Variants in NALF1 observed in about 807,000 individuals in gnomAD.
The protein encoded by NALF1 is family with sequence similarity 155 member A.
A neutral mutation model predicts 48.4 loss-of-function variants in NALF1; 3 were observed. That is an observed-to-expected ratio of 0.06 (90% CI 0.03 to 0.16). NALF1 has a LOEUF of 0.16. Ranked by LOEUF, NALF1 falls within the 10% of genes least tolerant of loss-of-function variation. The pLI is 1.00. For synonymous variants in NALF1, 262 were observed against 245.7 expected (o/e 1.07, Z -0.62); for missense variants, 526 against 571.5 (o/e 0.92, Z 0.81).
At chr13:107,443,175 T>A (rs960249832) in intron 1 of NALF1, among the ~76,000 whole-genome samples, 1 of 126,296 alleles carries the variant, frequency 7.9e-6, no homozygotes, top group Admixed American at 7.7e-5. Flanking sequence ...TAACAATCTA[T>A]CTATCTATCT....
rs1177004298 is a variant in NALF1 at position 107,170,789 on chromosome 13, G to A, written c.1088-3C>T. ...GGTTAGAAAGGTTTCATAAAGCCCT[G>A]TAGGAAGAAGGAAGTAGAGTGTCAG... On this transcript the variant is annotated splice_polypyrimidine_tract_variant and splice_region_variant and intron_variant, in intron 2 of 2. Transcript: ENST00000375915. 1.2e-6 allele frequency: 2 copies of A among 1,613,368 alleles called. No homozygotes were observed. Among genetic ancestry groups the A allele is most frequent in the Non-Finnish European group, 1.7e-6 (2 of 1,179,394 alleles).
At chr13:107,785,548 G>C (rs1878046025) in intron 1 of NALF1, among the ~76,000 whole-genome samples, 1 of 152,142 alleles carries the variant, frequency 6.6e-6, no homozygotes, top group African/African-American at 2.4e-5. Context: ...GACTTGCGGG[G>C]AAGGGTGAGA....
chr13:107,723,322 C>T (rs1876044199), intron 1 of NALF1, among the ~76,000 whole-genome samples: 1 of 152,184 alleles, frequency 6.6e-6, no homozygotes, highest in South Asian at 2.1e-4. Context: ...ACCTGGCTTG[C>T]ATTATACACT....
chr13:107,359,696 C>T (rs7332835), intron 1 of NALF1, among the ~76,000 whole-genome samples: 10,647 of 149,818 alleles, frequency 0.071, 940 homozygotes, highest in African/African-American at 0.21. Flanking sequence ...AATGTTGCTG[C>T]CTCTAGGGGG....
chr13:107,539,790 C>T (rs1876947793), intron 1 of NALF1, among the ~76,000 whole-genome samples: 1 of 152,018 alleles, frequency 6.6e-6, no homozygotes, highest in African/African-American at 2.4e-5. Context: ...GTGGTTATGA[C>T]TTTGTGTCTA....
intron 1 of NALF1, among the ~76,000 whole-genome samples, chr13:107,431,070 G>A (rs546226040): frequency 1.7e-4 from 26 of 151,752 alleles, no homozygotes; most frequent in East Asian, 3.9e-4. Context: ...GCATTTTTTC[G>A]TGTGTTTTTT....
intron 1 of NALF1, among the ~76,000 whole-genome samples, chr13:107,586,758 T>C (rs1301474467): frequency 6.6e-6 from 1 of 151,300 alleles, no homozygotes; most frequent in Non-Finnish European, 1.5e-5. Context: ...TTTTGTATCC[T>C]ACTATTCTCA....
intron 1 of NALF1, among the ~76,000 whole-genome samples, chr13:107,743,719 A>C (rs1876703247): frequency 6.6e-6 from 1 of 152,204 alleles, no homozygotes; most frequent in African/African-American, 2.4e-5. Flanking sequence ...TTGTATACAG[A>C]ACACAGTGAG....
At chr13:107,314,674 TG>T (rs1446512872) in intron 1 of NALF1, among the ~76,000 whole-genome samples, 2 of 152,158 alleles carry the variant, frequency 1.3e-5, no homozygotes, top group African/African-American at 4.8e-5. Flanking sequence ...GTAGACACTT[TG>T]TTGGCCACTG....
intron 2 of NALF1, among the ~76,000 whole-genome samples, chr13:107,209,806 G>A (rs1346917649): frequency 1.3e-5 from 2 of 152,060 alleles, no homozygotes; most frequent in African/African-American, 4.8e-5. Flanking sequence ...ACGCCTTATA[G>A]CATTATTGTT....
intron 1 of NALF1, among the ~76,000 whole-genome samples, chr13:107,633,504 T>G (rs1052587997): frequency 2.0e-5 from 3 of 151,948 alleles, no homozygotes; most frequent in Non-Finnish European, 4.4e-5. Flanking sequence ...GCTAAAATAT[T>G]AGCCTATCAC....
chr13:107,373,512 C>T (rs1338974279), intron 1 of NALF1, among the ~76,000 whole-genome samples: 1 of 152,130 alleles, frequency 6.6e-6, no homozygotes, highest in East Asian at 1.9e-4. Flanking sequence ...TGCTCTGTCC[C>T]TCCTACAGCA....
rs140025548 is a variant in NALF1, at chr13:107,528,914, A to G, written c.916-318159T>C. Among the ~76,000 whole-genome samples the G allele has an allele frequency of 3.3e-5, 5 of 152,292 alleles. No homozygotes were observed. The East Asian group carries it at 9.7e-4, about 29-fold the overall frequency. ...ACAATGAAATCTTTTAATAAACAGA[A>G]AAGGACACAATTCTTTCTATCATGA... On this transcript the variant is annotated intron_variant, in intron 1 of 2. Transcript: ENST00000375915.
intron 1 of NALF1, among the ~76,000 whole-genome samples, chr13:107,683,339 TA>T (rs1228636115): frequency 2.6e-5 from 4 of 152,178 alleles, no homozygotes; most frequent in African/African-American, 9.7e-5. Flanking sequence ...CTACCACCTT[TA>T]AAAAAATATC....
intron 1 of NALF1, among the ~76,000 whole-genome samples, chr13:107,636,194 A>C (rs1055854444): frequency 3.9e-5 from 6 of 152,126 alleles, no homozygotes; most frequent in African/African-American, 1.2e-4. Flanking sequence ...CACAGCGAAG[A>C]AGCAGAAGCT....
At chr13:107,222,741 A>G (rs188513039) in intron 1 of NALF1, among the ~76,000 whole-genome samples, 1 of 152,328 alleles carries the variant, frequency 6.6e-6, no homozygotes, top group African/African-American at 2.4e-5. Context: ...CAAGACCCGA[A>G]TATTAACATA....
At chr13:107,285,495 C>A (rs1881475392) in intron 1 of NALF1, among the ~76,000 whole-genome samples, 1 of 152,194 alleles carries the variant, frequency 6.6e-6, no homozygotes. Context: ...TCATGTTGCA[C>A]TTCCAACAAA....
chr13:107,608,389 G>T (rs1879130157), intron 1 of NALF1, among the ~76,000 whole-genome samples: 1 of 152,326 alleles, frequency 6.6e-6, no homozygotes, highest in South Asian at 2.1e-4. Context: ...CCTATTGCAA[G>T]TTGGAGGAGA....
intron 1 of NALF1, among the ~76,000 whole-genome samples, chr13:107,380,236 T>C (rs548228356): frequency 6.6e-6 from 1 of 152,354 alleles, no homozygotes; most frequent in Non-Finnish European, 1.5e-5. Flanking sequence ...GTATTTCTAA[T>C]GTTCCTAGTT....
Sources: gnomAD v4.1 joint callset for allele counts (sites outside exome capture counted in the v4.1 genomes callset) on GRCh38, gnomAD v4.1.1 for gene constraint, MANE v1.5 for transcripts, NCBI Gene and HGNC (gene_info 2026-07-23, HGNC 2026-07-21) for gene names.